Variants in PPM1B observed in about 807,000 individuals in gnomAD.
PPM1B encodes protein phosphatase 1B.
In PPM1B, 22 loss-of-function variants were observed where a neutral mutation model predicts 43.0. That is an observed-to-expected ratio of 0.51 (90% CI 0.37 to 0.73). PPM1B has a LOEUF of 0.73. Among genes scored for constraint, PPM1B ranks in the 30% least tolerant of loss-of-function variants. PPM1B has a pLI of 0.00. For missense variants in PPM1B, 632 were observed against 584.2 expected, an observed-to-expected ratio of 1.08 and a Z score of -0.84; for synonymous variants, 217 against 197.9, an observed-to-expected ratio of 1.10 and a Z score of -0.81.
intron 1 of PPM1B, among the ~76,000 whole-genome samples, chr2:44,171,092 A>G (rs2103981951): frequency 6.6e-6 from 1 of 152,226 alleles, no homozygotes; most frequent in East Asian, 1.9e-4. Flanking sequence ...ATACTGTAAG[A>G]TTTCCCCAGT....
At chr2:44,209,497 C>G in intron 3 of PPM1B, 170 bp downstream of exon 3, 1 of 790,850 alleles carries the variant, frequency 1.3e-6, no homozygotes, top group Non-Finnish European at 1.9e-6. Context: ...TTTAAAATTT[C>G]CTGGTCAGGC....
downstream of PPM1B, chr2:44,231,539 C>A: frequency 1.3e-6 from 1 of 772,928 alleles, no homozygotes; most frequent in Non-Finnish European, 1.6e-6. Flanking sequence ...TGGAAGAATA[C>A]CCATTAGAAA....
chr2:44,217,599 A>C (rs1669782069), intron 3 of PPM1B, among the ~76,000 whole-genome samples: 2 of 152,104 alleles, frequency 1.3e-5, no homozygotes, highest in Admixed American at 1.3e-4. Flanking sequence ...CTGTTACTGT[A>C]TTCATCAAGA....
At chr2:44,218,693 ATG>A in intron 5 of PPM1B, 156 bp downstream of exon 5, 1 of 594,746 alleles carries the variant, frequency 1.7e-6, no homozygotes. Flanking sequence ...GTTTAAGAAA[ATG>A]TATTGAAATG....
chr2:44,205,765 A>G (rs1669162505), intron 2 of PPM1B, among the ~76,000 whole-genome samples: 2 of 152,160 alleles, frequency 1.3e-5, no homozygotes, highest in African/African-American at 4.8e-5. Context: ...TTTATATACC[A>G]TCTACCAGAA....
downstream of PPM1B, chr2:44,233,213 T>C (rs142906560): frequency 5.8e-4 from 530 of 916,684 alleles, 2 homozygotes; most frequent in African/African-American, 8.2e-3. Flanking sequence ...TTTGGTATTT[T>C]TAATCATTTA....
Position 44,169,097 on chromosome 2 carries a change from C to T in PPM1B, c.-192C>T, listed in dbSNP as rs895423629. On this transcript the variant is annotated 5_prime_UTR_variant, in exon 1 of 6. Transcript: ENST00000282412. ...CGCTAGGGTGGAGAGAAGGCGGCAT[C>T]GGCGGCGGCGGCGGCGTGAGGGGCC... 1 of 176,370 alleles carries T rather than the reference C, an allele frequency of 5.7e-6. No individual in the cohort carries two copies. The highest frequency in any genetic ancestry group is 1.2e-5 in the Non-Finnish European group (1 of 84,008). The allele number at this position is 176,370 out of a possible 1,614,324, so 10.9% of individuals were successfully genotyped here.
At chr2:44,236,644 C>A (rs1239282975), downstream of PPM1B, among the ~76,000 whole-genome samples, 2 of 152,064 alleles carry the variant, frequency 1.3e-5, no homozygotes, top group African/African-American at 4.8e-5. Context: ...TTTTCTGAAA[C>A]CTTGGAAAAT....
intron 1 of PPM1B, among the ~76,000 whole-genome samples, chr2:44,186,309 A>G (rs572397649): frequency 3.1e-4 from 47 of 152,342 alleles, no homozygotes; most frequent in African/African-American, 1.1e-3. Flanking sequence ...ACTTTGGAGT[A>G]TATGTGGCAT....
intron 1 of PPM1B, among the ~76,000 whole-genome samples, chr2:44,194,380 A>G (rs1572705294): frequency 6.6e-6 from 1 of 152,154 alleles, no homozygotes; most frequent in Non-Finnish European, 1.5e-5. Flanking sequence ...TCAGAGAGCA[A>G]TAGAGCTGTT....
downstream of PPM1B, chr2:44,233,456 A>C: frequency 2.0e-6 from 2 of 984,232 alleles, no homozygotes; most frequent in Non-Finnish European, 2.4e-6. Flanking sequence ...CATGTATTAA[A>C]TTCAATTAAT....
chr2:44,234,116 T>G (rs989259881), downstream of PPM1B: 1 of 966,740 alleles, frequency 1.0e-6, no homozygotes, highest in Non-Finnish European at 1.2e-6. Context: ...TTAAACTTCT[T>G]ATATGGTTGG....
chr2:44,177,338 T>C (rs559764208), intron 1 of PPM1B, among the ~76,000 whole-genome samples: 1 of 152,124 alleles, frequency 6.6e-6, no homozygotes, highest in East Asian at 1.9e-4. Flanking sequence ...TGGTTGCTAG[T>C]CCTAAACTTA....
At chr2:44,214,311 T>C (rs920985741) in intron 3 of PPM1B, among the ~76,000 whole-genome samples, 15 of 152,138 alleles carry the variant, frequency 9.9e-5, no homozygotes, top group Admixed American at 2.6e-4. Flanking sequence ...CCTCGTGATC[T>C]GCCCGCCTCG....
downstream of PPM1B, chr2:44,233,245 T>C: frequency 1.1e-6 from 1 of 891,000 alleles, no homozygotes; most frequent in Non-Finnish European, 1.3e-6. Flanking sequence ...AAGCTCAGAA[T>C]ATCACATTGA....
chr2:44,185,011 A>C (rs918947129), intron 1 of PPM1B, among the ~76,000 whole-genome samples: 3 of 150,292 alleles, frequency 2.0e-5, no homozygotes, highest in Admixed American at 6.7e-5. Flanking sequence ...ATGTATTACT[A>C]TGCCAAGTTT....
intron 3 of PPM1B, among the ~76,000 whole-genome samples, chr2:44,212,746 C>CA (rs1669534597): frequency 6.6e-6 from 1 of 152,100 alleles, no homozygotes; most frequent in Non-Finnish European, 1.5e-5. Flanking sequence ...CATGGTGGCT[C>CA]ACGCCTGTAA....
intron 3 of PPM1B, among the ~76,000 whole-genome samples, chr2:44,216,902 C>CAAAAA (rs34344485): frequency 7.1e-6 from 1 of 140,098 alleles, no homozygotes; most frequent in Non-Finnish European, 1.5e-5. Flanking sequence ...TCCAGTGTCT[C>CAAAAA]AAAAAAAAAA....
At chr2:44,237,883 A>C (rs1670659450), downstream of PPM1B, among the ~76,000 whole-genome samples, 1 of 152,124 alleles carries the variant, frequency 6.6e-6, no homozygotes, top group Admixed American at 6.5e-5. Context: ...TAAGTCTTGA[A>C]GTTATGAAAT....
Sources: allele counts gnomAD v4.1 joint callset (sites outside exome capture counted in the v4.1 genomes callset), GRCh38; gene constraint gnomAD v4.1.1; transcripts MANE v1.5; gene names NCBI Gene and HGNC (gene_info 2026-07-23, HGNC 2026-07-21).